Variants in FOCAD observed in about 807,000 individuals in gnomAD.
The protein encoded by FOCAD is focadhesin.
Under a neutral mutation model 225.6 loss-of-function variants are expected in FOCAD, and 198 were observed. The ratio of observed to expected loss-of-function variants is 0.88; its 90% CI spans 0.78 to 0.99. The LOEUF (loss-of-function observed/expected upper bound fraction) is 0.99, where lower values mean the gene tolerates loss of function less well. Among genes scored for constraint, FOCAD ranks in the 50% least tolerant of loss-of-function variants. The pLI is 0.00. For synonymous variants in FOCAD, 897 were observed against 755.0 expected, an observed-to-expected ratio of 1.19 and a Z score of -3.08; for missense variants, 2,713 against 2,123.6, an observed-to-expected ratio of 1.28 and a Z score of -5.46.
chr9:20,763,382 G>T (rs13283486), intron 6 of FOCAD, among the ~76,000 whole-genome samples: 1 of 152,244 alleles, frequency 6.6e-6, no homozygotes, highest in East Asian at 1.9e-4. Context: ...CTTGAGCCTA[G>T]AAATTCAAGG....
At chr9:20,716,076 A>G (rs1304756311) in intron 2 of FOCAD, 1 of 444,596 alleles carries the variant, frequency 2.2e-6, no homozygotes, top group South Asian at 1.8e-5. Flanking sequence ...ACTTTCAACA[A>G]TTAACTTCGG....
chr9:20,722,236 G>A (rs1317880411), intron 4 of FOCAD, among the ~76,000 whole-genome samples: 1 of 151,420 alleles, frequency 6.6e-6, no homozygotes, highest in Non-Finnish European at 1.5e-5. Context: ...TGCAGTCTGT[G>A]GTTGCAAAAG....
At chr9:20,662,548 T>C (rs1240782111) in intron 2 of FOCAD, among the ~76,000 whole-genome samples, 1 of 152,154 alleles carries the variant, frequency 6.6e-6, no homozygotes, top group Non-Finnish European at 1.5e-5. Context: ...GGTTTCAGCT[T>C]TTTTCCTGCT....
At chr9:20,831,972 T>C (rs751976210) in intron 15 of FOCAD, among the ~76,000 whole-genome samples, 2 of 152,014 alleles carry the variant, frequency 1.3e-5, no homozygotes, top group Non-Finnish European at 2.9e-5. Context: ...TGTGTTTGGT[T>C]TTTCAATTGG....
intron 26 of FOCAD, among the ~76,000 whole-genome samples, chr9:20,926,922 A>G (rs1835009834): frequency 6.6e-6 from 1 of 151,046 alleles, no homozygotes; most frequent in African/African-American, 2.4e-5. Flanking sequence ...TAAAATATGA[A>G]AATATTATAT....
At chr9:20,819,228 T>C (rs1320366737) in intron 11 of FOCAD, among the ~76,000 whole-genome samples, 1 of 152,170 alleles carries the variant, frequency 6.6e-6, no homozygotes, top group Non-Finnish European at 1.5e-5. Context: ...CTTTTTATTT[T>C]TTTGAGACAG....
intron 11 of FOCAD, among the ~76,000 whole-genome samples, chr9:20,802,599 C>G (rs1421141228): frequency 1.3e-5 from 2 of 151,980 alleles, no homozygotes; most frequent in African/African-American, 4.8e-5. Context: ...GTGTATCTAC[C>G]TTATGTCCTA....
chr9:20,986,447 G>T lies in FOCAD; in HGVS notation c.4888G>T (p.Val1630Leu), dbSNP rs773730668. 3.7e-6 allele frequency: 6 copies of T among 1,611,050 alleles called. No homozygotes were observed. The East Asian group carries it at 1.3e-4, about 36-fold the overall frequency. The change falls in exon 40 of 44, where the codon GTG becomes TTG. Residue 1630 changes from valine (V) to leucine (L), a missense_variant. Coordinates refer to ENST00000338382, the MANE Select transcript of FOCAD (RefSeq NM_001375567.1). ...ILHSLYQARI[V>L]SHANTGVLKR... is the part of the protein sequence containing the mutation. The stretch of plus-strand genomic sequence containing the variant: ...GCACAGCTTATACCAGGCACGGATT[G>T]TGAGCCATGCCAATACGGGTGAGGA...
At chr9:20,879,895 G>A (rs189538573) in intron 19 of FOCAD, among the ~76,000 whole-genome samples, 14 of 152,294 alleles carry the variant, frequency 9.2e-5, no homozygotes, top group African/African-American at 2.9e-4. Flanking sequence ...GTGCAGATAT[G>A]TTCTTGCCCC....
intron 18 of FOCAD, 54 bp downstream of exon 18, chr9:20,867,066 T>G (rs1356287582): frequency 4.2e-6 from 5 of 1,180,560 alleles, no homozygotes; most frequent in Admixed American, 2.0e-5. Context: ...GGTTTACAAC[T>G]TTTTCTCTCT....
chr9:20,718,774 C>G (rs745830512), intron 3 of FOCAD, among the ~76,000 whole-genome samples: 1 of 152,174 alleles, frequency 6.6e-6, no homozygotes, highest in African/African-American at 2.4e-5. Flanking sequence ...TATTGAATGT[C>G]AAATCCCTGT....
chr9:20,845,335 G>C (rs770082186), intron 15 of FOCAD, among the ~76,000 whole-genome samples: 3 of 151,208 alleles, frequency 2.0e-5, no homozygotes, highest in Non-Finnish European at 4.4e-5. Context: ...GCATTTTTCT[G>C]AACATCTCTG....
intron 11 of FOCAD, among the ~76,000 whole-genome samples, chr9:20,799,576 G>T (rs570730146): frequency 1.3e-5 from 2 of 152,240 alleles, no homozygotes; most frequent in Admixed American, 1.3e-4. Context: ...TCTTCTTATT[G>T]AATTGATCCC....
chr9:20,988,424 G>GA lies in FOCAD; in HGVS notation c.5000dup (p.Asp1667GlufsTer20), dbSNP rs766874290. 6.3e-6 allele frequency: 10 copies of GA among 1,580,584 alleles called. No homozygotes were observed. The highest frequency in any genetic ancestry group is 8.7e-6 in the Non-Finnish European group (10 of 1,152,214). On this transcript the variant is annotated frameshift_variant, in exon 41 of 44. Transcript: ENST00000338382. LOFTEE classifies it high-confidence loss of function. Reference sequence around the variant, plus strand: ...AACATCCTTTCACAATACGGCTCTTGACAAGGTAAAATCTAGAGGAGTAGT... The same window carrying GA: ...AACATCCTTTCACAATACGGCTCTTGAACAAGGTAAAATCTAGAGGAGTAGT...
In FOCAD at chr9:20,907,154, A is replaced by C. The variant is rs1434562523; in HGVS notation, c.2630A>C (p.His877Pro). 9.3e-6 allele frequency: 15 copies of C among 1,612,470 alleles called. No homozygotes were observed. The highest frequency in any genetic ancestry group is 1.3e-5 in the Non-Finnish European group (15 of 1,179,034). ...TGTGGTACATTTTTCCCATAGGTTC[A>C]TATCCAGCTTTCAGAGTGGCACCGT... ...QTSLALVHEV[H>P]IQLSEWHRAI... Residue 877 changes from histidine (H) to proline (P), a missense_variant, in exon 22 of 44, where the codon CAT becomes CCT. Coordinates refer to ENST00000338382, the MANE Select transcript of FOCAD (RefSeq NM_001375567.1).
At chr9:20,667,656 G>C (rs910999323) in intron 2 of FOCAD, among the ~76,000 whole-genome samples, 1 of 152,170 alleles carries the variant, frequency 6.6e-6, no homozygotes, top group Non-Finnish European at 1.5e-5. Flanking sequence ...GTATCTTTTA[G>C]GTGCTTTACA....
chr9:20,755,139 G>A (rs1563948513), intron 5 of FOCAD, among the ~76,000 whole-genome samples: 1 of 152,116 alleles, frequency 6.6e-6, no homozygotes, highest in East Asian at 1.9e-4. Context: ...AAGCTTTTCA[G>A]CTTCTTAGAA....
At chr9:20,991,246 G>T (rs1841645809) in intron 42 of FOCAD, among the ~76,000 whole-genome samples, 1 of 152,146 alleles carries the variant, frequency 6.6e-6, no homozygotes, top group Admixed American at 6.5e-5. Context: ...ATATGTTTCT[G>T]ACCTGTCCTT....
At chr9:20,901,191 AATGTGTGT>A (rs370069155) in intron 21 of FOCAD, among the ~76,000 whole-genome samples, 4,223 of 132,318 alleles carry the variant, frequency 0.032, 116 homozygotes, top group East Asian at 0.14. Context: ...ATGTGGAAAC[AATGTGTGT>A]GTGTGTGTGT....
Sources: allele counts gnomAD v4.1 joint callset (sites outside exome capture counted in the v4.1 genomes callset), GRCh38; gene constraint gnomAD v4.1.1; transcripts MANE v1.5; gene names NCBI Gene and HGNC (gene_info 2026-07-23, HGNC 2026-07-21).